POT1: variants seen among roughly 807,000 people sequenced by gnomAD.
The protein encoded by POT1 is protection of telomeres 1, also known as protection of telomeres protein 1.
A neutral mutation model predicts 78.5 loss-of-function variants in POT1; 47 were observed. The observed-to-expected ratio is 0.60, with a 90% confidence interval of 0.47 to 0.76. The LOEUF is 0.76. Among genes scored for constraint, POT1 ranks in the 30% least tolerant of loss-of-function variants. The probability of loss-of-function intolerance (pLI) is 0.00; values close to 1 mark genes in which losing one functional copy is unlikely to be tolerated. For missense variants in POT1, 646 were observed against 749.9 expected (o/e 0.86, Z 1.62); for synonymous variants, 259 against 260.7 (o/e 0.99, Z 0.06).
intron 6 of POT1, among the ~76,000 whole-genome samples, chr7:124,887,712 TTTAA>T (rs1443866384): frequency 6.6e-6 from 1 of 152,040 alleles, no homozygotes; most frequent in Non-Finnish European, 1.5e-5. Context: ...TTAAGCATAG[TTTAA>T]TTAGCATTTT....
At chr7:124,904,684 T>G (rs1348011074) in intron 3 of POT1, among the ~76,000 whole-genome samples, 1 of 152,146 alleles carries the variant, frequency 6.6e-6, no homozygotes, top group East Asian at 1.9e-4. Context: ...GGTATTCAAG[T>G]AGAAAAACAG....
intron 2 of POT1, among the ~76,000 whole-genome samples, chr7:124,922,730 A>G (rs1168214647): frequency 6.6e-6 from 1 of 151,982 alleles, no homozygotes; most frequent in African/African-American, 2.4e-5. Flanking sequence ...AACAAAAAAC[A>G]GGCAAAACAA....
intron 4 of POT1, among the ~76,000 whole-genome samples, chr7:124,897,901 A>G (rs1030992508): frequency 5.9e-5 from 9 of 151,984 alleles, no homozygotes; most frequent in African/African-American, 1.9e-4. Flanking sequence ...ATAAAGTAGG[A>G]GAAGGAAAAA....
intron 14 of POT1, among the ~76,000 whole-genome samples, chr7:124,839,379 A>T (rs1034666759): frequency 3.9e-5 from 6 of 152,216 alleles, no homozygotes; most frequent in African/African-American, 1.4e-4. Flanking sequence ...AGTGAACCCT[A>T]ATGTAAACTA....
chr7:124,870,839 GCTAA>G, intron 7 of POT1, 68 bp downstream of exon 7: 2 of 1,259,910 alleles, frequency 1.6e-6, no homozygotes, highest in Non-Finnish European at 2.1e-6. Context: ...TATAATTAGT[GCTAA>G]CTAGTTTCAG....
intron 7 of POT1, among the ~76,000 whole-genome samples, chr7:124,870,685 G>A (rs1381436650): frequency 6.6e-6 from 1 of 152,040 alleles, no homozygotes; most frequent in East Asian, 1.9e-4. Context: ...TTTAATCATG[G>A]CATGTAATAC....
At position 124,835,368 on chromosome 7, in the gene POT1, A is replaced by C. The variant is rs146643991; in HGVS notation, c.1416T>G (p.Ser472Arg). The C allele has an allele frequency of 1.4e-4, 226 of 1,613,918 alleles. No individual in the cohort carries two copies. The highest frequency in any genetic ancestry group is 1.9e-4 in the Non-Finnish European group (222 of 1,179,892). ...EICKLSNKFNSVIPVRSGHED... is the reference protein window; with the variant it reads ...EICKLSNKFNRVIPVRSGHED... ...CGTGGCCAGATCTCACAGGAATTACACTATTAAACTTGTTCGAGAGTTTGC... is the reference window on the plus strand; with the variant it reads ...CGTGGCCAGATCTCACAGGAATTACCCTATTAAACTTGTTCGAGAGTTTGC... The change falls in exon 15 of 19, where the codon AGT becomes AGG. Residue 472 changes from serine to arginine, a missense_variant. Coordinates refer to ENST00000357628, the MANE Select transcript of POT1 (RefSeq NM_015450.3).
At chr7:124,845,877 A>G (rs1361606426) in intron 12 of POT1, among the ~76,000 whole-genome samples, 8 of 152,104 alleles carry the variant, frequency 5.3e-5, no homozygotes, top group Non-Finnish European at 8.8e-5. Context: ...TTGATGCTCA[A>G]ATGTTCCTAG....
At chr7:124,895,877 G>A (rs1256031367) in intron 5 of POT1, among the ~76,000 whole-genome samples, 1 of 151,304 alleles carries the variant, frequency 6.6e-6, no homozygotes, top group African/African-American at 2.4e-5. Flanking sequence ...AAAATATAGG[G>A]GATAGTTTAT....
chr7:124,918,728 GA>G (rs1797076690), intron 2 of POT1, among the ~76,000 whole-genome samples: 1 of 152,128 alleles, frequency 6.6e-6, no homozygotes, highest in Admixed American at 6.6e-5. Flanking sequence ...TTCAACAGAT[GA>G]AATCTATAGC....
At chr7:124,855,491 T>G (rs1365206272) in intron 9 of POT1, among the ~76,000 whole-genome samples, 1 of 151,872 alleles carries the variant, frequency 6.6e-6, no homozygotes, top group African/African-American at 2.4e-5. Context: ...TTGTATTTTT[T>G]CAAAAGCTTG....
chr7:124,901,199 C>T (rs1796610568), intron 3 of POT1, among the ~76,000 whole-genome samples: 1 of 152,174 alleles, frequency 6.6e-6, no homozygotes, highest in South Asian at 2.1e-4. Context: ...AGATTGCCTC[C>T]TCAAGTGGGT....
chr7:124,874,570 TA>T (rs887517130), intron 6 of POT1, among the ~76,000 whole-genome samples: 1 of 151,778 alleles, frequency 6.6e-6, no homozygotes, highest in African/African-American at 2.4e-5. Context: ...CCACCTCTAC[TA>T]AAAATGACAA....
In POT1 at chr7:124,853,152, C is replaced by G. The variant is rs1346615244; in HGVS notation, c.703-14G>C. The stretch of plus-strand genomic sequence containing the variant: ...AAAGCTTCCAACCTAAAAAATAGAT[C>G]ATTTGTTATTTAGAAAGTGGGGAAA... On this transcript the variant is annotated splice_polypyrimidine_tract_variant and intron_variant, in intron 9 of 18. Transcript: ENST00000357628. 2 of 1,532,414 alleles carry G rather than the reference C, an allele frequency of 1.3e-6. No homozygotes were observed. The highest frequency in any genetic ancestry group is 1.8e-6 in the Non-Finnish European group (2 of 1,125,288). The allele number at this position is 1,532,414 out of a possible 1,614,324, so 94.9% of individuals were successfully genotyped here. A position where few individuals can be genotyped will look rare whatever the true frequency, so the allele number is the denominator to read the frequency against.
At chr7:124,926,928 T>C (rs1475635586) in intron 2 of POT1, among the ~76,000 whole-genome samples, 1 of 151,478 alleles carries the variant, frequency 6.6e-6, no homozygotes, top group Non-Finnish European at 1.5e-5. Context: ...CTTGGAGGGG[T>C]AGGGGATTAG....
Position 124,825,303 on chromosome 7 carries a change from T to C in POT1, c.1741A>G (p.Lys581Glu), listed in dbSNP as rs1327511983. 2 of 1,611,632 alleles carry C rather than the reference T, an allele frequency of 1.2e-6. No individual in the cohort carries two copies. Among genetic ancestry groups the C allele is most frequent in the Non-Finnish European group, 1.7e-6 (2 of 1,178,868 alleles). ...ATATCCATGATCATATCCACACTTT[T>C]CTGAAGGTCATCATCCATCAGAACT... ...SEVLMDDDLQ[K>E]SVDMIMDMFC... Residue 581 changes from lysine to glutamate, a missense_variant, in exon 18 of 19, where the codon AAA (lysine) becomes GAA (glutamate). This residue lies in a region of POT1 where 394 missense variants were observed against 408.4 expected (regional missense o/e 0.96). Transcript: ENST00000357628.
intron 5 of POT1, among the ~76,000 whole-genome samples, chr7:124,893,621 C>T (rs967758411): frequency 1.3e-5 from 2 of 151,442 alleles, no homozygotes; most frequent in African/African-American, 4.8e-5. Flanking sequence ...AATTTGAGAA[C>T]GAGTCTGCTG....
intron 7 of POT1, among the ~76,000 whole-genome samples, chr7:124,867,306 GA>G (rs1269572071): frequency 1.3e-5 from 2 of 151,550 alleles, no homozygotes; most frequent in African/African-American, 2.4e-5. Context: ...ACGTTAGTAA[GA>G]GAGATTTTTT....
intron 7 of POT1, among the ~76,000 whole-genome samples, chr7:124,866,330 T>G (rs1271461400): frequency 6.6e-6 from 1 of 152,156 alleles, no homozygotes; most frequent in African/African-American, 2.4e-5. Flanking sequence ...TTGTGCTGCC[T>G]CAGCTGAATG....
Sources: allele counts gnomAD v4.1 joint callset (sites outside exome capture counted in the v4.1 genomes callset), GRCh38; gene constraint gnomAD v4.1.1; regional missense constraint gnomAD v4.1.1; transcripts MANE v1.5; gene names NCBI Gene and HGNC (gene_info 2026-07-23, HGNC 2026-07-21).